The following ELF1 variants were observed in gnomAD, a reference collection of about 807,000 sequenced individuals.
ELF1 encodes the protein ETS-related transcription factor Elf-1.
In ELF1, 24 loss-of-function variants were observed where a neutral mutation model predicts 59.9. The ratio of observed to expected loss-of-function variants is 0.40; its 90% CI spans 0.29 to 0.56. The LOEUF (loss-of-function observed/expected upper bound fraction) is 0.56. ELF1 is among the 20% of genes least tolerant of loss of function. The pLI is 0.44. For synonymous variants in ELF1, 248 were observed against 266.2 expected (o/e 0.93, Z 0.67); for missense variants, 627 against 742.2 (o/e 0.84, Z 1.80).
At chr13:41,051,721 C>G in intron 1 of ELF1, among the ~76,000 whole-genome samples, 1 of 151,894 alleles carries the variant, frequency 6.6e-6, no homozygotes, top group South Asian at 2.1e-4. Flanking sequence ...CTCTCTGGAT[C>G]AAAAAGTCAC....
At chr13:40,982,962 C>T (rs1463732301) in intron 1 of ELF1, 2 of 695,594 alleles carry the variant, frequency 2.9e-6, no homozygotes, top group South Asian at 6.5e-5. Flanking sequence ...CACTTGACCA[C>T]GTCATGGCAA....
chr13:41,038,979 C>T (rs1876494235), intron 1 of ELF1, among the ~76,000 whole-genome samples: 1 of 140,710 alleles, frequency 7.1e-6, no homozygotes, highest in African/African-American at 2.7e-5. Context: ...CACCACTGCA[C>T]TCCAGTCTGG....
intron 1 of ELF1, among the ~76,000 whole-genome samples, chr13:41,027,044 CACGAAATCTTCCCAGTA>C (rs1875967781): frequency 6.6e-6 from 1 of 152,188 alleles, no homozygotes; most frequent in Non-Finnish European, 1.5e-5. Flanking sequence ...TCTTCCCAGT[CACGAAATCTTCCCAGTA>C]GGCAGAACTT....
intron 1 of ELF1, among the ~76,000 whole-genome samples, chr13:41,034,797 A>AT (rs1302545383): frequency 7.8e-4 from 119 of 151,694 alleles, no homozygotes; most frequent in African/African-American, 2.7e-3. Flanking sequence ...TATTAAAAAA[A>AT]AAAAAAAAAA....
intron 2 of ELF1, among the ~76,000 whole-genome samples, chr13:40,969,216 A>T (rs1229483829): frequency 6.6e-6 from 1 of 152,190 alleles, no homozygotes; most frequent in African/African-American, 2.4e-5. Context: ...AAAAAATCGC[A>T]CTAATCCTAG....
chr13:40,940,787 T>A (rs983973120), intron 8 of ELF1, 134 bp downstream of exon 8: 118 of 1,007,620 alleles, frequency 1.2e-4, no homozygotes, highest in Non-Finnish European at 1.5e-4. Context: ...TCCTGAAAAA[T>A]CTGGTAACCA....
intron 1 of ELF1, among the ~76,000 whole-genome samples, chr13:40,998,063 C>T (rs1165913496): frequency 6.6e-6 from 1 of 152,114 alleles, no homozygotes; most frequent in African/African-American, 2.4e-5. Context: ...GGGAGGATCA[C>T]TTCAGCCCAA....
intron 1 of ELF1, among the ~76,000 whole-genome samples, chr13:41,037,134 AAAAGT>A (rs1172046284): frequency 6.6e-6 from 1 of 151,878 alleles, no homozygotes; most frequent in Non-Finnish European, 1.5e-5. Context: ...AAAAAACCTT[AAAAGT>A]ATTTTAGACT....
intron 1 of ELF1, among the ~76,000 whole-genome samples, chr13:40,997,873 AG>A (rs1212168387): frequency 1.3e-5 from 2 of 152,080 alleles, no homozygotes; most frequent in East Asian, 3.9e-4. Flanking sequence ...GAAGCAGGCC[AG>A]GCGCAGTGGC....
At chr13:41,046,875 AGT>A (rs1445581935) in intron 1 of ELF1, among the ~76,000 whole-genome samples, 2 of 152,158 alleles carry the variant, frequency 1.3e-5, no homozygotes, top group Non-Finnish European at 2.9e-5. Context: ...TATCCTGAAG[AGT>A]GTTTTCCAAC....
Position 40,987,534 on chromosome 13 carries a change from C to T in ELF1, c.-228-5252G>A, listed in dbSNP as rs112256270. Among the ~76,000 whole-genome samples the T allele has an allele frequency of 7.2e-5, 10 of 139,310 alleles. 1 individual carries two copies. Among genetic ancestry groups the T allele is most frequent in the South Asian group, 2.2e-4 (1 of 4,506 alleles). The allele number at this position is 139,310 out of a possible 152,430, so 91.4% of individuals were successfully genotyped here. A position where few individuals can be genotyped will look rare whatever the true frequency, so the allele number is the denominator to read the frequency against. On this transcript the variant is annotated intron_variant, in intron 1 of 8. Coordinates refer to ENST00000239882, the MANE Select transcript of ELF1 (RefSeq NM_172373.4). The stretch of plus-strand genomic sequence containing the variant: ...CCAGGAGGCAGAAGCTGTGGTAAGC[C>T]GAGGCACGCCACTATACTCTAGCCT...
intron 2 of ELF1, among the ~76,000 whole-genome samples, chr13:40,973,912 C>A (rs747965083): frequency 6.6e-6 from 1 of 152,142 alleles, no homozygotes; most frequent in Non-Finnish European, 1.5e-5. Flanking sequence ...AAGCCAGTCG[C>A]AAGACAGCAC....
chr13:40,968,461 T>C (rs1041707627), intron 2 of ELF1, among the ~76,000 whole-genome samples: 1 of 152,204 alleles, frequency 6.6e-6, no homozygotes, highest in Admixed American at 6.5e-5. Context: ...ACATCATTGC[T>C]TCCTTTCCAT....
At chr13:40,976,634 C>A (rs1220353887) in intron 2 of ELF1, among the ~76,000 whole-genome samples, 1 of 152,150 alleles carries the variant, frequency 6.6e-6, no homozygotes, top group Non-Finnish European at 1.5e-5. Flanking sequence ...CTCCACCTAC[C>A]GGGTTCAAGC....
At chr13:40,983,801 G>T (rs935601990) in intron 1 of ELF1, among the ~76,000 whole-genome samples, 7 of 152,026 alleles carry the variant, frequency 4.6e-5, no homozygotes, top group Admixed American at 4.6e-4. Context: ...CAATTCCTCT[G>T]TAGTAGACCT....
intron 7 of ELF1, 133 bp from the exon 8 acceptor site, chr13:40,941,503 G>C: frequency 1.2e-6 from 1 of 801,178 alleles, no homozygotes; most frequent in Non-Finnish European, 1.9e-6. Context: ...CTAAATAAAG[G>C]GCTGTTATTT....
intron 1 of ELF1, among the ~76,000 whole-genome samples, chr13:41,051,140 A>G (rs1373760779): frequency 6.6e-6 from 1 of 152,164 alleles, no homozygotes; most frequent in Non-Finnish European, 1.5e-5. Flanking sequence ...ATGGCAATGC[A>G]AAAGAAAAAA....
At position 41,049,064 on chromosome 13, in the gene ELF1, G is replaced by A. The variant is rs200897370; in HGVS notation, c.-229+11774C>T. On this transcript the variant is annotated intron_variant, in intron 1 of 1. Coordinates refer to the ELF1 transcript ENST00000405737. ...TTGGCTTCTGTGATAACACTCTCCT[G>A]ATTTTGCCCCAATTCTGGACTACTC... is the stretch of plus-strand genomic sequence containing the variant. Among the ~76,000 whole-genome samples, 11 of 152,244 alleles carry A rather than the reference G, an allele frequency of 7.2e-5. No homozygotes were observed. The East Asian group carries it at 1.7e-3, about 24-fold the overall frequency.
intron 3 of ELF1, among the ~76,000 whole-genome samples, chr13:40,955,101 C>T (rs958456922): frequency 7.3e-5 from 11 of 150,450 alleles, no homozygotes; most frequent in Non-Finnish European, 1.3e-4. Context: ...CCGGCTGCCC[C>T]GTCTGAGAAG....
Sources: gnomAD v4.1 joint callset for allele counts (sites outside exome capture counted in the v4.1 genomes callset) on GRCh38, gnomAD v4.1.1 for gene constraint, MANE v1.5 for transcripts, NCBI Gene and HGNC (gene_info 2026-07-23, HGNC 2026-07-21) for gene names.